CLCC1: variants seen among roughly 807,000 people sequenced by gnomAD.
CLCC1 encodes chloride channel CLIC like 1, also known as chloride channel CLIC-like protein 1.
Under a neutral mutation model 63.3 loss-of-function variants are expected in CLCC1, and 39 were observed. The ratio of observed to expected loss-of-function variants is 0.62; its 90% CI spans 0.48 to 0.81. The LOEUF is 0.81. Among genes scored for constraint, CLCC1 ranks in the 30% least tolerant of loss-of-function variants. The probability of loss-of-function intolerance (pLI) is 0.00; values close to 1 mark genes in which losing one functional copy is unlikely to be tolerated. For missense variants in CLCC1, 549 were observed against 669.4 expected (o/e 0.82, Z 1.98); for synonymous variants, 217 against 239.8 (o/e 0.90, Z 0.88).
At chr1:108,941,267 A>T in intron 8 of CLCC1, 138 bp downstream of exon 8, 1 of 751,784 alleles carries the variant, frequency 1.3e-6, no homozygotes, top group Non-Finnish European at 2.2e-6. Flanking sequence ...TTAAACCTAA[A>T]ATGCTTCTTG....
chr1:108,960,997 G>A (rs922338808), intron 2 of CLCC1, among the ~76,000 whole-genome samples: 1 of 152,130 alleles, frequency 6.6e-6, no homozygotes, highest in African/African-American at 2.4e-5. Flanking sequence ...CAGCCAGGCA[G>A]TTGAGTTTTG....
intron 2 of CLCC1, among the ~76,000 whole-genome samples, chr1:108,954,609 G>A (rs1010751380): frequency 2.0e-5 from 3 of 151,200 alleles, no homozygotes; most frequent in Non-Finnish European, 4.4e-5. Flanking sequence ...GTGGTACTTG[G>A]CCTAAAAGAG....
In CLCC1 at chr1:108,930,003, CT is replaced by C; in HGVS notation, c.*2543del. On this transcript the variant is annotated 3_prime_UTR_variant, in exon 13 of 13. Transcript: ENST00000369969. ...AAGGAAACAATCTATTACTTTTTTC[CT>C]TAAAAGGAGAATTTATAGCACTGTA... 6.8e-7 allele frequency: 1 copy of C among 1,465,582 alleles called. No individual in the cohort carries two copies. Among genetic ancestry groups the C allele is most frequent in the South Asian group, 1.2e-5 (1 of 85,674 alleles). The allele number at this position is 1,465,582 out of a possible 1,614,324, so 90.8% of individuals were successfully genotyped here.
rs989298038 is a variant in CLCC1, at chr1:108,932,200, G to A, written c.*347C>T. The A allele has an allele frequency of 2.6e-5, 4 of 152,188 alleles. No individual in the cohort carries two copies. The highest frequency in any genetic ancestry group is 4.4e-5 in the Non-Finnish European group (3 of 68,062). 9.4% of individuals were successfully genotyped at this position (152,188 alleles called of 1,614,324 possible). On this transcript the variant is annotated 3_prime_UTR_variant, in exon 13 of 13. Transcript: ENST00000369969. ...GAGGCAGGAGAATCTCTTGAACCTG[G>A]GAGGTGGAGGTTGCAGTGAGCCGAG... is the stretch of plus-strand genomic sequence containing the variant.
chr1:108,947,574 C>T (rs569452891), intron 5 of CLCC1, 37 bp downstream of exon 5: 11 of 1,176,752 alleles, frequency 9.3e-6, no homozygotes, highest in African/African-American at 1.6e-5. Flanking sequence ...TAAAAATATA[C>T]ACTATACGGA....
At chr1:108,954,988 T>C (rs545900515) in intron 2 of CLCC1, among the ~76,000 whole-genome samples, 15 of 151,214 alleles carry the variant, frequency 9.9e-5, no homozygotes, top group Non-Finnish European at 2.1e-4. Context: ...TGTGCCACCA[T>C]ACCCAGCTAA....
intron 2 of CLCC1, among the ~76,000 whole-genome samples, chr1:108,960,076 C>T (rs1656429947): frequency 6.6e-6 from 1 of 151,990 alleles, no homozygotes. Context: ...TGAAGCTGCA[C>T]TGAGCCGAGA....
At chr1:108,954,817 C>CGTGTGTGTGTGT (rs58482013) in intron 2 of CLCC1, among the ~76,000 whole-genome samples, 2,695 of 140,560 alleles carry the variant, frequency 0.019, 124 homozygotes, top group African/African-American at 0.056. Flanking sequence ...ACTGTCTTTG[C>CGTGTGTGTGTGT]GTGTGTGTGT....
intron 11 of CLCC1, 67 bp from the exon 12 acceptor site, chr1:108,935,009 T>C: frequency 6.8e-7 from 1 of 1,475,260 alleles, no homozygotes; most frequent in Non-Finnish European, 9.1e-7. Context: ...CAAACATATC[T>C]AAAAAGTTCC....
At chr1:108,960,852 AT>A (rs201024238) in intron 2 of CLCC1, among the ~76,000 whole-genome samples, 25 of 151,444 alleles carry the variant, frequency 1.7e-4, no homozygotes, top group Middle Eastern at 3.4e-3. Flanking sequence ...AGCAGTTGAG[AT>A]TTTTTTTTCT....
intron 5 of CLCC1, among the ~76,000 whole-genome samples, chr1:108,946,096 G>A (rs144464309): frequency 0.028 from 4,306 of 152,262 alleles, 69 homozygotes; most frequent in South Asian, 0.068. Context: ...GGATCACGAG[G>A]TCAGGAGATC....
At chr1:108,958,056 T>G (rs373845108) in intron 2 of CLCC1, among the ~76,000 whole-genome samples, 1 of 151,384 alleles carries the variant, frequency 6.6e-6, no homozygotes, top group Admixed American at 6.6e-5. Context: ...GACAAATATG[T>G]TGAATGCCGC....
At chr1:108,949,483 G>T (rs1042031142) in intron 4 of CLCC1, among the ~76,000 whole-genome samples, 2 of 152,154 alleles carry the variant, frequency 1.3e-5, no homozygotes, top group African/African-American at 4.8e-5. Context: ...TGCTACATTT[G>T]TTGAGAGTTT....
At position 108,954,057 on chromosome 1, in the gene CLCC1, GA is replaced by G. The variant is rs142906543; in HGVS notation, c.-11-3610del. 4.3e-3 allele frequency among the ~76,000 whole-genome samples: 644 copies of G among 150,756 alleles called. 6 individuals are homozygous for G. Among genetic ancestry groups the G allele is most frequent in the Non-Finnish European group, 7.6e-3 (516 of 67,950 alleles). ...ATCCGACTGGAGAAACTAGAAAGTG[GA>G]AAGACTGCACAGGAATGGGAATCCG... On this transcript the variant is annotated intron_variant, in intron 2 of 12. Transcript: ENST00000369969.
intron 10 of CLCC1, among the ~76,000 whole-genome samples, chr1:108,939,202 A>T (rs1653448936): frequency 6.8e-6 from 1 of 146,482 alleles, no homozygotes; most frequent in Non-Finnish European, 1.5e-5. Context: ...TATAAATATA[A>T]ATATATAATA....
chr1:108,936,098 T>TC (rs1300213596), intron 11 of CLCC1, among the ~76,000 whole-genome samples: 1 of 145,010 alleles, frequency 6.9e-6, no homozygotes, highest in Non-Finnish European at 1.5e-5. Context: ...TTTTTTTTTT[T>TC]TTTTTTTTTT....
intron 2 of CLCC1, among the ~76,000 whole-genome samples, chr1:108,951,365 G>C (rs568118593): frequency 3.3e-5 from 5 of 152,342 alleles, no homozygotes; most frequent in Non-Finnish European, 5.9e-5. Flanking sequence ...CTGGGTGACA[G>C]AGTGGGACCC....
Position 108,940,140 on chromosome 1 carries a change from A to G in CLCC1, c.799T>C (p.Trp267Arg), listed in dbSNP as rs1458236736. The G allele has an allele frequency of 6.3e-7, 1 of 1,582,448 alleles. No homozygotes were observed. The highest frequency in any genetic ancestry group is 2.2e-5 in the East Asian group (1 of 44,618). ...TTATAGGTCCATGAACTTCTAAACC[A>G]TTCTGTTTAGAGAAACAGACAAAAC... ...KMDWTGSIWE[W>R]FRSSWTYKDD... is the part of the protein sequence containing the mutation. Residue 267 changes from tryptophan (W) to arginine (R), a missense_variant and splice_region_variant, in exon 9 of 13, where the codon TGG (tryptophan) becomes CGG (arginine). By Grantham distance (101) the Trp-to-Arg change is moderately radical. Coordinates refer to ENST00000369969, the MANE Select transcript of CLCC1 (RefSeq NM_001377458.1).
chr1:108,959,175 A>AAAAT (rs572591868), intron 2 of CLCC1, among the ~76,000 whole-genome samples: 66 of 152,214 alleles, frequency 4.3e-4, no homozygotes, highest in African/African-American at 1.4e-3. Context: ...ACACCGTCTC[A>AAAAT]AAATAAATAA....
Sources: allele counts gnomAD v4.1 joint callset (sites outside exome capture counted in the v4.1 genomes callset), GRCh38; gene constraint gnomAD v4.1.1; transcripts MANE v1.5; gene names NCBI Gene and HGNC (gene_info 2026-07-23, HGNC 2026-07-21).